FGF13: variants seen among roughly 807,000 people sequenced by gnomAD.
The protein encoded by FGF13 is fibroblast growth factor homologous factor 2.
Under a neutral mutation model 19.5 loss-of-function variants are expected in FGF13, and 2 were observed. That is an observed-to-expected ratio of 0.10 (90% CI 0.04 to 0.32). The LOEUF is 0.32. FGF13 is among the 10% of genes least tolerant of loss of function. The probability of loss-of-function intolerance (pLI) is 1.00; values close to 1 mark genes in which losing one functional copy is unlikely to be tolerated. For missense variants in FGF13, 113 were observed against 192.7 expected, an observed-to-expected ratio of 0.59 and a Z score of 2.45; for synonymous variants, 72 against 76.9, an observed-to-expected ratio of 0.94 and a Z score of 0.33.
chrX:139,152,351 A>G lies in FGF13; in HGVS notation c.-113+51065T>C, dbSNP rs376737330. 7.9e-5 allele frequency among the ~76,000 whole-genome samples: 8 copies of G among 100,722 alleles called. No individual in the cohort carries two copies. In the South Asian group the frequency reaches 3.5e-3, roughly 44 times the overall value. 87.5% of individuals were successfully genotyped at this position (100,722 alleles called of 115,157 possible). ...CAAAAAAAAAAACGACGAGGCCAGT[A>G]TGTACTGGGCCTCCGATGTGGGCCC... On this transcript the variant is annotated intron_variant, in intron 1 of 2. Coordinates refer to the FGF13 transcript ENST00000421460.
chrX:139,043,578 T>C (rs151223931), intron 1 of FGF13, among the ~76,000 whole-genome samples: 2,445 of 110,852 alleles, frequency 0.022, 99 homozygotes, highest in African/African-American at 0.076. Context: ...AAGTTAAACA[T>C]AGAATTACCA....
chrX:138,780,389 G>C (rs1421410551), intron 3 of FGF13, among the ~76,000 whole-genome samples: 2 of 92,021 alleles, frequency 2.2e-5, no homozygotes, highest in Non-Finnish European at 4.2e-5. Flanking sequence ...AAAGAGTCAA[G>C]ACCCATCAGT....
chrX:138,675,635 T>C (rs2089657476), intron 3 of FGF13, among the ~76,000 whole-genome samples: 1 of 111,617 alleles, frequency 9.0e-6, no homozygotes, highest in Non-Finnish European at 1.9e-5. Context: ...TCTATTTTGA[T>C]TTATTATTCT....
chrX:138,877,782 C>T (rs1421203752), intron 1 of FGF13, among the ~76,000 whole-genome samples: 1 of 112,249 alleles, frequency 8.9e-6, no homozygotes, highest in East Asian at 2.8e-4. Context: ...GAATAATATT[C>T]GATTGTGCAT....
chrX:138,635,362 C>A (rs2089171161), intron 4 of FGF13, 95 bp downstream of exon 4: 7 of 952,170 alleles, frequency 7.4e-6, no homozygotes, highest in Non-Finnish European at 8.7e-6. Flanking sequence ...TCTATGTAAC[C>A]AAAAACCACC....
intron 1 of FGF13, among the ~76,000 whole-genome samples, chrX:139,153,806 A>G (rs1044528421): frequency 2.8e-5 from 3 of 107,641 alleles, no homozygotes; most frequent in East Asian, 5.9e-4. Context: ...TGTTATCGTT[A>G]TAAGTAGAGG....
intron 1 of FGF13, among the ~76,000 whole-genome samples, chrX:138,895,746 G>A (rs186585937): frequency 2.6e-4 from 29 of 112,062 alleles, no homozygotes; most frequent in African/African-American, 9.1e-4. Context: ...AAGATAAGGA[G>A]TCAATGAATG....
rs866055644 is a variant in FGF13 at position 138,884,852 on chromosome X, G to A, written c.-112-20202C>T. 2.0e-4 allele frequency among the ~76,000 whole-genome samples: 22 copies of A among 111,569 alleles called. No individual in the cohort carries two copies. In the South Asian group the frequency reaches 4.2e-3, roughly 21 times the overall value. ...TTATCAATGTAAAAATGAATCAATC[G>A]CTGCAACACCATGCCATTGAGACCC... On this transcript the variant is annotated intron_variant, in intron 1 of 2. Transcript: ENST00000421460.
chrX:139,188,516 C>T (rs758144040), intron 1 of FGF13, among the ~76,000 whole-genome samples: 50 of 111,532 alleles, frequency 4.5e-4, no homozygotes, highest in African/African-American at 1.6e-3. Context: ...GCACTCACAG[C>T]ACTAGCTGCA....
chrX:139,199,649 C>T (rs2084400449), intron 1 of FGF13, among the ~76,000 whole-genome samples: 1 of 111,308 alleles, frequency 9.0e-6, no homozygotes, highest in South Asian at 3.8e-4. Flanking sequence ...CAAAGCCACC[C>T]ATAAAATCTC....
intron 3 of FGF13, among the ~76,000 whole-genome samples, chrX:138,778,766 G>C (rs762186999): frequency 4.4e-5 from 5 of 112,697 alleles, no homozygotes; most frequent in African/African-American, 1.6e-4. Context: ...GCCCAGGCTT[G>C]ATTAGGTAAA....
chrX:139,139,595 C>T (rs1296966753), intron 1 of FGF13, among the ~76,000 whole-genome samples: 2 of 112,208 alleles, frequency 1.8e-5, no homozygotes, highest in Non-Finnish European at 3.8e-5. Context: ...ATTTGTTCTA[C>T]TTATCTTAAA....
At chrX:138,633,505 G>A (rs923730904) in intron 4 of FGF13, among the ~76,000 whole-genome samples, 1 of 111,875 alleles carries the variant, frequency 8.9e-6, no homozygotes, top group Admixed American at 9.5e-5. Context: ...ATGATCTATA[G>A]CATACTGTAC....
intron 1 of FGF13, among the ~76,000 whole-genome samples, chrX:138,941,467 A>G (rs1176234486): frequency 8.9e-6 from 1 of 111,949 alleles, no homozygotes; most frequent in Non-Finnish European, 1.9e-5. Flanking sequence ...CCACAAAAAG[A>G]ACAAAATACC....
intron 1 of FGF13, among the ~76,000 whole-genome samples, chrX:138,983,686 C>G (rs1314973149): frequency 9.1e-6 from 1 of 110,052 alleles, no homozygotes; most frequent in Non-Finnish European, 1.9e-5. Flanking sequence ...AGTATTTACA[C>G]AAAAGAATTA....
chrX:138,667,578 T>G, intron 3 of FGF13: 1 of 322,204 alleles, frequency 3.1e-6, no homozygotes, highest in Non-Finnish European at 6.1e-6. Flanking sequence ...AAGAGACTTA[T>G]CAGGATTGAG....
intron 3 of FGF13, among the ~76,000 whole-genome samples, chrX:138,655,436 A>C (rs1474665816): frequency 3.6e-5 from 4 of 112,205 alleles, no homozygotes. Context: ...CGATGGTAGA[A>C]GGAGTAAATA....
intron 1 of FGF13, among the ~76,000 whole-genome samples, chrX:138,886,781 GA>G (rs886091171): frequency 6.9e-4 from 76 of 109,429 alleles, no homozygotes; most frequent in Non-Finnish European, 1.1e-3. Context: ...TAATTACTTG[GA>G]AAAAAAAACT....
intron 3 of FGF13, among the ~76,000 whole-genome samples, chrX:138,809,998 T>C (rs2090907507): frequency 1.8e-5 from 2 of 111,479 alleles, no homozygotes; most frequent in South Asian, 3.8e-4. Context: ...GAATCAATAT[T>C]GTGAAAATGG....
Sources: gnomAD v4.1 joint callset for allele counts (sites outside exome capture counted in the v4.1 genomes callset) on GRCh38, gnomAD v4.1.1 for gene constraint, MANE v1.5 for transcripts, NCBI Gene and HGNC (gene_info 2026-07-23, HGNC 2026-07-21) for gene names.